DDAH1: variants seen among roughly 807,000 people sequenced by gnomAD.
DDAH1 encodes N(G),N(G)-dimethylarginine dimethylaminohydrolase 1.
DDAH1 carries 19 observed loss-of-function variants against 28.8 expected under a neutral mutation model. The ratio of observed to expected loss-of-function variants is 0.66; its 90% CI spans 0.46 to 0.97. DDAH1 has a LOEUF of 0.97. Among genes scored for constraint, DDAH1 ranks in the 50% least tolerant of loss-of-function variants. The probability of loss-of-function intolerance (pLI) is 0.00; values close to 1 mark genes in which losing one functional copy is unlikely to be tolerated. For synonymous variants in DDAH1, 153 were observed against 154.4 expected, an observed-to-expected ratio of 0.99 and a Z score of 0.07; for missense variants, 326 against 375.9, an observed-to-expected ratio of 0.87 and a Z score of 1.10.
chr1:85,334,395 T>A (rs1246477990), intron 4 of DDAH1, among the ~76,000 whole-genome samples: 1 of 152,052 alleles, frequency 6.6e-6, no homozygotes, highest in Non-Finnish European at 1.5e-5. Flanking sequence ...AGACAAATAA[T>A]TCTAAAAACA....
rs568692477 is a variant in DDAH1 at position 85,442,589 on chromosome 1, T to C, written c.303+22154A>G. Among the ~76,000 whole-genome samples the C allele has an allele frequency of 4.7e-3, 718 of 152,350 alleles. 6 individuals carry two copies. The highest frequency in any genetic ancestry group is 0.016 in the African/African-American group (663 of 41,580). On this transcript the variant is annotated intron_variant, in intron 1 of 5. Transcript: ENST00000284031. ...AAATGGTATTTCTAGTTCTAGATCC[T>C]TGAGGAATCACCACACTATCTTCCA...
chr1:85,355,446 T>C (rs1014514595), intron 2 of DDAH1, among the ~76,000 whole-genome samples: 3 of 152,080 alleles, frequency 2.0e-5, no homozygotes. Flanking sequence ...CATAACAAAA[T>C]GTTATCGAAC....
intron 1 of DDAH1, among the ~76,000 whole-genome samples, chr1:85,396,368 A>C (rs1205485300): frequency 6.6e-6 from 1 of 152,214 alleles, no homozygotes; most frequent in Non-Finnish European, 1.5e-5. Context: ...AGGGAGTCAC[A>C]GTACAGAGAT....
Position 85,324,726 on chromosome 1 carries a change from G to A in DDAH1, c.741+14C>T. ...CTGACCCAGCTGCAGTGGTCAGAAG[G>A]GATATTTTTTTACCTTTGCACTTTC... On this transcript the variant is annotated intron_variant, in intron 5 of 5. Transcript: ENST00000284031. The A allele has an allele frequency of 6.2e-7, 1 of 1,614,014 alleles. No homozygotes were observed. The highest frequency in any genetic ancestry group is 8.5e-7 in the Non-Finnish European group (1 of 1,179,986).
chr1:85,373,902 G>A (rs557315262), intron 1 of DDAH1, among the ~76,000 whole-genome samples: 2 of 152,204 alleles, frequency 1.3e-5, no homozygotes, highest in East Asian at 3.9e-4. Context: ...AAAATGCAAA[G>A]AGCTGTGGTT....
At chr1:85,528,828 GCTGGGCATGGTGGCACA>G (rs1400092559) in intron 1 of DDAH1, among the ~76,000 whole-genome samples, 4 of 151,950 alleles carry the variant, frequency 2.6e-5, no homozygotes, top group African/African-American at 9.7e-5. Flanking sequence ...ACAAAAATTA[GCTGGGCATGGTGGCACA>G]CGCCTGTAAT....
At chr1:85,551,918 C>G (rs1377905308) in intron 1 of DDAH1, among the ~76,000 whole-genome samples, 2 of 152,148 alleles carry the variant, frequency 1.3e-5, no homozygotes, top group African/African-American at 4.8e-5. Context: ...GAAGAAACAG[C>G]TGAGGGTCTG....
intron 1 of DDAH1, among the ~76,000 whole-genome samples, chr1:85,387,562 C>T (rs1266816236): frequency 1.3e-5 from 2 of 152,224 alleles, no homozygotes; most frequent in Non-Finnish European, 2.9e-5. Flanking sequence ...CTGGGCTTCA[C>T]TATCCTTATT....
chr1:85,555,925 T>A (rs1041789256), intron 1 of DDAH1, among the ~76,000 whole-genome samples: 3 of 152,290 alleles, frequency 2.0e-5, no homozygotes, highest in East Asian at 1.9e-4. Context: ...ACACTTTCTA[T>A]CAAAATAATT....
At position 85,464,130 on chromosome 1, in the gene DDAH1, T is replaced by C. The variant is rs1461401867; in HGVS notation, c.303+613A>G. On this transcript the variant is annotated intron_variant, in intron 1 of 5. Transcript: ENST00000284031. This position sits in a 1 kb window ranked among gnomAD's most constrained non-coding sequence, Gnocchi z 4.4. Reference sequence around the variant, plus strand: ...CAGCTTTTCAAACCTAGCCCATTCATGCACACATTTAGCACAGCTCACCAA... The same window carrying C: ...CAGCTTTTCAAACCTAGCCCATTCACGCACACATTTAGCACAGCTCACCAA... Among the ~76,000 whole-genome samples the C allele has an allele frequency of 1.3e-5, 2 of 152,196 alleles. No individual in the cohort carries two copies. Among genetic ancestry groups the C allele is most frequent in the Non-Finnish European group, 1.5e-5 (1 of 68,030 alleles).
At chr1:85,531,842 G>A (rs1294997582) in intron 1 of DDAH1, among the ~76,000 whole-genome samples, 2 of 146,930 alleles carry the variant, frequency 1.4e-5, no homozygotes, top group Non-Finnish European at 3.0e-5. Context: ...GGGAAACAGA[G>A]GCTGAAGAAG....
At chr1:85,447,989 T>C (rs1415831390) in intron 1 of DDAH1, 1 of 152,386 alleles carries the variant, frequency 6.6e-6, no homozygotes, top group Non-Finnish European at 1.5e-5. Flanking sequence ...TATCCACCCA[T>C]TGTAGTCAGG....
chr1:85,394,474 T>C (rs557783960), intron 1 of DDAH1, among the ~76,000 whole-genome samples: 2 of 152,326 alleles, frequency 1.3e-5, no homozygotes, highest in Non-Finnish European at 2.9e-5. Flanking sequence ...TTTGGTATTT[T>C]GTTATAGCAA....
chr1:85,439,435 C>A (rs1425953800), intron 1 of DDAH1, among the ~76,000 whole-genome samples: 1 of 152,254 alleles, frequency 6.6e-6, no homozygotes, highest in Non-Finnish European at 1.5e-5. Flanking sequence ...TCTCTCAGCT[C>A]TCTGCCAGGG....
chr1:85,381,554 C>G (rs917590241), intron 1 of DDAH1, among the ~76,000 whole-genome samples: 1 of 151,798 alleles, frequency 6.6e-6, no homozygotes, highest in African/African-American at 2.4e-5. Flanking sequence ...TTTACGCCTG[C>G]ATTGTTTCTA....
chr1:85,387,654 CTCCAAACTCT>C (rs1651346133), intron 1 of DDAH1, among the ~76,000 whole-genome samples: 1 of 152,072 alleles, frequency 6.6e-6, no homozygotes. Flanking sequence ...CTTTTGAGCC[CTCCAAACTCT>C]TCCAAACTCT....
At chr1:85,527,445 C>A (rs1342466729) in intron 1 of DDAH1, among the ~76,000 whole-genome samples, 1 of 152,136 alleles carries the variant, frequency 6.6e-6, no homozygotes, top group Non-Finnish European at 1.5e-5. Context: ...TGCAAGAAGC[C>A]TTTATGGTTC....
intron 4 of DDAH1, among the ~76,000 whole-genome samples, chr1:85,340,134 C>G (rs1409661353): frequency 6.6e-6 from 1 of 152,154 alleles, no homozygotes; most frequent in African/African-American, 2.4e-5. Context: ...AGACTCCAGA[C>G]TTGAGTGAGC....
At chr1:85,463,678 T>C (rs1313844183) in intron 1 of DDAH1, among the ~76,000 whole-genome samples, 1 of 152,228 alleles carries the variant, frequency 6.6e-6, no homozygotes, top group African/African-American at 2.4e-5. Flanking sequence ...GGAATAAGCA[T>C]ATTTTATCAT....
Sources: gnomAD v4.1 joint callset for allele counts (sites outside exome capture counted in the v4.1 genomes callset) on GRCh38, gnomAD v4.1.1 for gene constraint, Gnocchi (gnomAD v3.1) non-coding constraint, MANE v1.5 for transcripts, NCBI Gene and HGNC (gene_info 2026-07-23, HGNC 2026-07-21) for gene names.